Variants in HEATR5A observed in about 807,000 individuals in gnomAD.
HEATR5A encodes HEAT repeat-containing protein 5A.
In HEATR5A, 178 loss-of-function variants were observed where a neutral mutation model predicts 218.8. The ratio of observed to expected loss-of-function variants is 0.81; its 90% CI spans 0.72 to 0.92. HEATR5A has a LOEUF of 0.92. Among genes scored for constraint, HEATR5A ranks in the 40% least tolerant of loss-of-function variants. The pLI is 0.00. For synonymous variants in HEATR5A, 864 were observed against 871.6 expected (o/e 0.99, Z 0.15); for missense variants, 2,420 against 2,418.9 (o/e 1.00, Z -0.01).
In HEATR5A at chr14:31,292,482, T is replaced by C. The variant is rs1256086150; in HGVS notation, c.*823A>G. The C allele has an allele frequency of 6.6e-6, 1 of 152,196 alleles. No homozygotes were observed. The highest frequency in any genetic ancestry group is 2.4e-5 in the African/African-American group (1 of 41,462). 9.4% of individuals were successfully genotyped at this position (152,196 alleles called of 1,614,324 possible). A position where few individuals can be genotyped will look rare whatever the true frequency, so the allele number is the denominator to read the frequency against. ...GCTGTAAGTAATTTGTACTATTGTA[T>C]ACTGGATAATCCTAGACCAGGTTTC... On this transcript the variant is annotated 3_prime_UTR_variant, in exon 36 of 36. Coordinates refer to ENST00000543095, the MANE Select transcript of HEATR5A (RefSeq NM_015473.4).
Position 31,400,436 on chromosome 14 carries a change from G to A in HEATR5A, c.203C>T (p.Thr68Ile). 6.5e-7 allele frequency: 1 copy of A among 1,535,952 alleles called. No individual in the cohort carries two copies. Among genetic ancestry groups the A allele is most frequent in the Non-Finnish European group, 8.7e-7 (1 of 1,146,842 alleles). ...SLLNSSPGPP[T>I]RKLLAKNLAI... ...TAGATTCTTAGCAAGCAGTTTGCGG[G>A]TAGGAGGCCCTGGGGAGCTGTTCAA... The change falls in exon 3 of 36, where the codon ACC (threonine) becomes ATC (isoleucine). Residue 68 changes from threonine to isoleucine, a missense_variant. Thr to Ile is a moderately conservative substitution (Grantham distance 89). Coordinates refer to ENST00000543095, the MANE Select transcript of HEATR5A (RefSeq NM_015473.4).
At chr14:31,349,679 C>T in intron 18 of HEATR5A, 110 bp downstream of exon 18, 2 of 705,990 alleles carry the variant, frequency 2.8e-6, no homozygotes, top group Non-Finnish European at 4.6e-6. Flanking sequence ...GACAATTTTT[C>T]TTTTCTTAGT....
At chr14:31,336,217 CATATATATATAT>C (rs3033610) in intron 22 of HEATR5A, among the ~76,000 whole-genome samples, 1,505 of 38,184 alleles carry the variant, frequency 0.039, 132 homozygotes, top group Admixed American at 0.2. Flanking sequence ...TACATACATA[CATATATATATAT>C]ATATATATAT....
chr14:31,392,410 A>G (rs1023816596), intron 6 of HEATR5A, among the ~76,000 whole-genome samples: 1 of 152,016 alleles, frequency 6.6e-6, no homozygotes, highest in African/African-American at 2.4e-5. Context: ...GTCTTCTTCA[A>G]TGGTTTCTTG....
chr14:31,322,817 T>TAA lies in HEATR5A; in HGVS notation c.3787+746_3787+747dup, dbSNP rs376742735. ...CTGGGTGACAGAGTGAAATGCTGTCTAAAAAAAAAAAAAAAAAAACACAAA... is the reference window on the plus strand; with the variant it reads ...CTGGGTGACAGAGTGAAATGCTGTCTAAAAAAAAAAAAAAAAAAAAACACAAA... On this transcript the variant is annotated intron_variant, in intron 24 of 35. Transcript: ENST00000543095. Among the ~76,000 whole-genome samples, 246 of 101,048 alleles carry TAA rather than the reference T, an allele frequency of 2.4e-3. 2 individuals are homozygous for TAA. The highest frequency in any genetic ancestry group is 2.8e-3 in the African/African-American group (72 of 26,174). 66.3% of individuals were successfully genotyped at this position (101,048 alleles called of 152,430 possible).
At chr14:31,315,614 A>G (rs1006387682) in intron 27 of HEATR5A, among the ~76,000 whole-genome samples, 156 bp downstream of exon 27, 1 of 152,228 alleles carries the variant, frequency 6.6e-6, no homozygotes, top group African/African-American at 2.4e-5. Flanking sequence ...TGACTAACAT[A>G]TTAACATATA....
intron 33 of HEATR5A, among the ~76,000 whole-genome samples, chr14:31,299,815 G>A (rs958699792): frequency 9.3e-5 from 14 of 151,062 alleles, no homozygotes; most frequent in African/African-American, 3.2e-4. Flanking sequence ...GGCGGATCAC[G>A]AGGTCAGGAG....
chr14:31,386,543 G>A lies in HEATR5A; in HGVS notation c.1222C>T (p.Arg408Trp), dbSNP rs947749340. ...AVMSDGNLETRLGSTDVAASQ... is the reference protein window; with the variant it reads ...AVMSDGNLETWLGSTDVAASQ... ...GCGGCTACATCTGTGGAACCAAGCC[G>A]GGTTTCCAAATTACCATCACTCATT... Residue 408 changes from arginine (R) to tryptophan (W), a missense_variant, in exon 9 of 36, where the codon CGG becomes TGG. Arg to Trp is a moderately radical substitution (Grantham distance 101). Coordinates refer to ENST00000543095, the MANE Select transcript of HEATR5A (RefSeq NM_015473.4). 15 of 1,599,066 alleles carry A rather than the reference G, an allele frequency of 9.4e-6. No individual in the cohort carries two copies. Among genetic ancestry groups the A allele is most frequent in the East Asian group, 4.5e-5 (2 of 44,676 alleles).
intron 13 of HEATR5A, among the ~76,000 whole-genome samples, chr14:31,364,683 CA>C (rs2139241292): frequency 6.6e-6 from 1 of 152,280 alleles, no homozygotes; most frequent in Non-Finnish European, 1.5e-5. Flanking sequence ...CTCAGCCTCC[CA>C]AAGTGCTGGG....
intron 31 of HEATR5A, among the ~76,000 whole-genome samples, chr14:31,305,733 A>T (rs1899536397): frequency 6.6e-6 from 1 of 152,160 alleles, no homozygotes. Context: ...TCTTGCTGTT[A>T]AGACTGTAAA....
At chr14:31,294,547 C>T (rs1046108327) in intron 34 of HEATR5A, among the ~76,000 whole-genome samples, 1 of 151,344 alleles carries the variant, frequency 6.6e-6, no homozygotes, top group Non-Finnish European at 1.5e-5. Flanking sequence ...GTCGCTGGGA[C>T]TACAGGCGTG....
At chr14:31,380,335 G>GA in intron 11 of HEATR5A, 132 bp downstream of exon 11, 1 of 590,984 alleles carries the variant, frequency 1.7e-6, no homozygotes, top group Non-Finnish European at 2.9e-6. Flanking sequence ...ACTACTACAA[G>GA]AAAAATGTTT....
intron 22 of HEATR5A, among the ~76,000 whole-genome samples, chr14:31,327,450 C>A (rs763661275): frequency 1.3e-5 from 2 of 151,488 alleles, no homozygotes; most frequent in African/African-American, 4.9e-5. Context: ...ACCACCACCA[C>A]GCCCTGCTAA....
chr14:31,293,331 T>C lies in HEATR5A; in HGVS notation c.6115A>G (p.Ile2039Val). 1 of 1,594,226 alleles carries C rather than the reference T, an allele frequency of 6.3e-7. No individual in the cohort carries two copies. The highest frequency in any genetic ancestry group is 8.5e-7 in the Non-Finnish European group (1 of 1,174,060). The stretch of plus-strand genomic sequence containing the variant: ...CAGAGGAAACTGGTCTTTAATTGGA[T>C]GCTTGAGTTTTTTCCAGGACTCTTA... ...YTKSPGKNSS[I>V]QLKTSFL The change falls in exon 36 of 36, where the codon ATC (isoleucine) becomes GTC (valine). Residue 2039 changes from isoleucine to valine, a missense_variant. Physicochemically the swap from Ile to Val is conservative, Grantham distance 29. Transcript: ENST00000543095.
chr14:31,321,986 A>G (rs939292481), intron 24 of HEATR5A, among the ~76,000 whole-genome samples: 1 of 152,210 alleles, frequency 6.6e-6, no homozygotes, highest in South Asian at 2.1e-4. Flanking sequence ...ATAAAAGTAC[A>G]TTAGTTGGTA....
At chr14:31,359,886 T>C (rs967622834) in intron 14 of HEATR5A, among the ~76,000 whole-genome samples, 1 of 152,028 alleles carries the variant, frequency 6.6e-6, no homozygotes, top group African/African-American at 2.4e-5. Flanking sequence ...GCTGCAACAG[T>C]ATTATTTCAC....
chr14:31,321,424 G>A (rs1441318063), intron 25 of HEATR5A, 75 bp downstream of exon 25: 19 of 1,195,530 alleles, frequency 1.6e-5, no homozygotes, highest in Admixed American at 1.4e-4. Context: ...TTACAGGCAT[G>A]AGCCACCATG....
chr14:31,335,802 T>C (rs1372816603), intron 22 of HEATR5A, among the ~76,000 whole-genome samples: 3 of 152,052 alleles, frequency 2.0e-5, no homozygotes, highest in Non-Finnish European at 4.4e-5. Context: ...TACAGGCGCA[T>C]GCCACCACAC....
In HEATR5A at chr14:31,302,472, G is replaced by C. The variant is rs1899414599; in HGVS notation, c.5287C>G (p.Leu1763Val). The C allele has an allele frequency of 6.9e-6, 11 of 1,593,862 alleles. No individual in the cohort carries two copies. Among genetic ancestry groups the C allele is most frequent in the African/African-American group, 2.7e-5 (2 of 74,536 alleles). The change falls in exon 33 of 36, where the codon CTC (leucine) becomes GTC (valine). Residue 1763 changes from leucine to valine, a missense_variant. Physicochemically the swap from Leu to Val is conservative, Grantham distance 32 (BLOSUM62 1). Coordinates refer to ENST00000543095, the MANE Select transcript of HEATR5A (RefSeq NM_015473.4). ...PTILYLTIGV[L>V]RETAVKLPGG... is the part of the protein sequence containing the mutation. ...GGTAACTTCACAGCAGTCTCTCTGA[G>C]GACCCCGATTGTGAGGTACAATATA...
Sources: gnomAD v4.1 joint callset for allele counts (sites outside exome capture counted in the v4.1 genomes callset) on GRCh38, gnomAD v4.1.1 for gene constraint, MANE v1.5 for transcripts, NCBI Gene and HGNC (gene_info 2026-07-23, HGNC 2026-07-21) for gene names.